The following MTSS2 variants were observed in gnomAD, a reference collection of about 807,000 sequenced individuals.
MTSS2 encodes protein MTSS 2.
MTSS2 carries 27 observed loss-of-function variants against 67.1 expected under a neutral mutation model. That is an observed-to-expected ratio of 0.40 (90% CI 0.30 to 0.55). The LOEUF (loss-of-function observed/expected upper bound fraction) is 0.55, where lower values mean the gene tolerates loss of function less well. MTSS2 is among the 20% of genes least tolerant of loss of function. MTSS2 has a pLI of 0.43. For missense variants in MTSS2, 1,171 were observed against 1,067.8 expected (o/e 1.10, Z -1.35); for synonymous variants, 624 against 468.6 (o/e 1.33, Z -4.28).
rs369148016 is a variant in MTSS2 at position 70,663,917 on chromosome 16, C to T, written c.2004G>A (p.Ala668=). 2.7e-4 allele frequency: 419 copies of T among 1,550,878 alleles called. 3 individuals are homozygous for T. In the East Asian group the frequency reaches 7.2e-3, roughly 26 times the overall value. The change falls in exon 15 of 15, where the codon GCG becomes GCA. Residue 668 remains alanine (A), a synonymous_variant. Coordinates refer to ENST00000338779, the MANE Select transcript of MTSS2 (RefSeq NM_138383.3). ...AGAEDEQQQL[A]ANRHSLVEKL... The stretch of plus-strand genomic sequence containing the variant: ...TCTCCACCAGGCTGTGCCGGTTGGC[C>T]GCCAGCTGCTGCTGCTCGTCCTCGG...
chr16:70,671,086 C>T (rs897365319), intron 11 of MTSS2, among the ~76,000 whole-genome samples: 1 of 150,650 alleles, frequency 6.6e-6, no homozygotes, highest in African/African-American at 2.4e-5. Flanking sequence ...ATCCTGCTTA[C>T]GTTCTTGTTC....
At chr16:70,679,546 GA>G in intron 6 of MTSS2, 83 bp downstream of exon 6, 1 of 1,434,664 alleles carries the variant, frequency 7.0e-7, no homozygotes, top group Non-Finnish European at 9.4e-7. Flanking sequence ...TGGCTGGGAT[GA>G]AGGCTTTGGG....
Position 70,665,023 on chromosome 16 carries a change from A to C in MTSS2, c.1202T>G (p.Leu401Arg), listed in dbSNP as rs1431152457. The stretch of plus-strand genomic sequence containing the variant: ...AGGGCCTGGCTCTGTGTCTCGCAGG[A>C]GCTCCACTCGGTCCTTCCTCCGCTG... The part of the protein sequence containing the change: ...TLQRRKDRVE[L>R]LRDTEPGPAS... Residue 401 changes from leucine (L) to arginine (R), a missense_variant, in exon 13 of 15, where the codon CTC becomes CGC. Physicochemically the swap from Leu to Arg is moderately radical, Grantham distance 102. This residue lies in a region of MTSS2 where 924 missense variants were observed against 756.0 expected (regional missense o/e 1.22). Transcript: ENST00000338779. 1 of 1,596,468 alleles carries C rather than the reference A, an allele frequency of 6.3e-7. No individual in the cohort carries two copies. The highest frequency in any genetic ancestry group is 1.3e-5 in the African/African-American group (1 of 74,894).
At chr16:70,680,395 A>T (rs1054347201) in intron 3 of MTSS2, among the ~76,000 whole-genome samples, 1 of 152,082 alleles carries the variant, frequency 6.6e-6, no homozygotes, top group African/African-American at 2.4e-5. Flanking sequence ...GGCCCGAAGG[A>T]GCGGGAGCCC....
rs2052470952 is a variant in MTSS2 at position 70,661,547 on chromosome 16, G to GT, written c.*2129dup. ...AAATGAGAAATTAAACGAACGTAAA[G>GT]TCCCCCAAACCAAAGTTTGTGATGT... is the stretch of plus-strand genomic sequence containing the variant. On this transcript the variant is annotated 3_prime_UTR_variant, in exon 15 of 15. Transcript: ENST00000338779. The GT allele has an allele frequency of 8.5e-6, 3 of 352,192 alleles. No homozygotes were observed. The highest frequency in any genetic ancestry group is 6.4e-5 in the South Asian group (3 of 46,696). 21.8% of individuals were successfully genotyped at this position (352,192 alleles called of 1,614,324 possible).
chr16:70,679,921 C>T (rs769295500), intron 4 of MTSS2, 44 bp from the exon 5 acceptor site: 27 of 1,523,602 alleles, frequency 1.8e-5, no homozygotes, highest in East Asian at 1.2e-4. Flanking sequence ...CGGGCTCCCC[C>T]GCGACGCCCC....
At chr16:70,677,376 G>C (rs1283027869) in intron 9 of MTSS2, among the ~76,000 whole-genome samples, 1 of 152,180 alleles carries the variant, frequency 6.6e-6, no homozygotes, top group South Asian at 2.1e-4. Context: ...CGCAGGCTGT[G>C]GGACAGGACT....
rs1431122703 is a variant in MTSS2 at position 70,664,915 on chromosome 16, C to T, written c.1305+5G>A. ...GGGCGTGAAGGGGGGCCCTGGCCAG[C>T]CTACCTTGGCTGCGATGGTGGCAGG... On this transcript the variant is annotated splice_donor_5th_base_variant and intron_variant, in intron 13 of 14. Transcript: ENST00000338779. 2 of 1,540,648 alleles carry T rather than the reference C, an allele frequency of 1.3e-6. No homozygotes were observed. Among genetic ancestry groups the T allele is most frequent in the Admixed American group, 3.9e-5 (2 of 51,042 alleles).
intron 7 of MTSS2, among the ~76,000 whole-genome samples, chr16:70,678,840 G>C (rs773179590): frequency 6.6e-6 from 1 of 152,178 alleles, no homozygotes; most frequent in Non-Finnish European, 1.5e-5. Context: ...CACAGGGGGC[G>C]GGGGCCAGGA....
chr16:70,679,412 C>CG, intron 6 of MTSS2, 89 bp from the exon 7 acceptor site: 1 of 1,540,678 alleles, frequency 6.5e-7, no homozygotes, highest in Non-Finnish European at 8.9e-7. Context: ...ACTCCTGGGG[C>CG]GGGGGTGCCT....
intron 9 of MTSS2, among the ~76,000 whole-genome samples, 188 bp from the exon 10 acceptor site, chr16:70,677,166 C>A (rs1018499966): frequency 6.6e-6 from 1 of 152,144 alleles, no homozygotes; most frequent in Admixed American, 6.5e-5. Context: ...CTTCTCGGAG[C>A]CCCTTCAGCT....
intron 1 of MTSS2, among the ~76,000 whole-genome samples, chr16:70,683,418 G>T (rs2053359908): frequency 6.6e-6 from 1 of 152,218 alleles, no homozygotes. Flanking sequence ...CCTGCCCTCT[G>T]CAGGGGCCCC....
chr16:70,679,881 CGGAGGGCGGGCG>C lies in MTSS2; in HGVS notation c.291-16_291-5del. 1 of 1,596,388 alleles carries C rather than the reference CGGAGGGCGGGCG, an allele frequency of 6.3e-7. No individual in the cohort carries two copies. The highest frequency in any genetic ancestry group is 8.5e-7 in the Non-Finnish European group (1 of 1,177,710). On this transcript the variant is annotated splice_polypyrimidine_tract_variant and splice_region_variant and intron_variant, in intron 4 of 14. Coordinates refer to ENST00000338779, the MANE Select transcript of MTSS2 (RefSeq NM_138383.3). ...GATGAGGCTCTCCAGCAGTGCGCTG[CGGAGGGCGGGCG>C]GGAGCGCAGGTCAGGGCCGGGCTCC...
At position 70,678,351 on chromosome 16, in the gene MTSS2, G is replaced by A. The variant is rs764420569; in HGVS notation, c.525C>T (p.Tyr175=). 1.2e-6 allele frequency: 2 copies of A among 1,612,994 alleles called. No individual in the cohort carries two copies. The highest frequency in any genetic ancestry group is 1.7e-6 in the Non-Finnish European group (2 of 1,179,990). Residue 175 remains tyrosine (Y), a synonymous_variant, in exon 8 of 15, where the codon TAC becomes TAT. Coordinates refer to ENST00000338779, the MANE Select transcript of MTSS2 (RefSeq NM_138383.3). ...DSALQDVNDM[Y]LLLEETEKQA... is the part of the protein sequence containing the mutation. ...GCTTCTCCGTCTCCTCCAGCAGCAG[G>A]TACATGTCGTTGACGTCCTGCAGGG...
Position 70,685,803 on chromosome 16 carries a change from G to A in MTSS2, c.-12C>T. On this transcript the variant is annotated 5_prime_UTR_variant, in exon 1 of 15. Transcript: ENST00000338779. ...TCCGCCGTCTCCATGCTCTGGCTGG[G>A]CCGGGCCGCGGCGGCGGCTAGGCGC... 4 of 1,316,270 alleles carry A rather than the reference G, an allele frequency of 3.0e-6. No individual in the cohort carries two copies. Among genetic ancestry groups the A allele is most frequent in the East Asian group, 4.3e-5 (1 of 23,296 alleles). 81.5% of individuals were successfully genotyped at this position (1,316,270 alleles called of 1,614,324 possible).
chr16:70,674,888 G>A (rs1419792000), intron 10 of MTSS2, among the ~76,000 whole-genome samples: 3 of 152,180 alleles, frequency 2.0e-5, no homozygotes, highest in Non-Finnish European at 2.9e-5. Flanking sequence ...CAAGGCGGGT[G>A]GATCATTTGA....
intron 1 of MTSS2, among the ~76,000 whole-genome samples, chr16:70,683,197 C>T (rs1029984288): frequency 1.3e-5 from 2 of 152,216 alleles, no homozygotes; most frequent in African/African-American, 2.4e-5. Flanking sequence ...GCAATCCAGC[C>T]TCCAATCCCA....
At chr16:70,670,042 G>A (rs749073342) in intron 11 of MTSS2, among the ~76,000 whole-genome samples, 2 of 151,702 alleles carry the variant, frequency 1.3e-5, no homozygotes, top group Non-Finnish European at 2.9e-5. Context: ...AGGCTGAGGG[G>A]GGTGGACTGC....
At chr16:70,681,084 T>C in intron 1 of MTSS2, 59 bp from the exon 2 acceptor site, 2 of 1,504,314 alleles carry the variant, frequency 1.3e-6, no homozygotes, top group East Asian at 2.3e-5. Flanking sequence ...GGGCTTGACC[T>C]GGGCCGGGCT....
Sources: allele counts gnomAD v4.1 joint callset (sites outside exome capture counted in the v4.1 genomes callset), GRCh38; gene constraint gnomAD v4.1.1; regional missense constraint gnomAD v4.1.1; transcripts MANE v1.5; gene names NCBI Gene and HGNC (gene_info 2026-07-23, HGNC 2026-07-21).